Variants in NTF3 observed in about 807,000 individuals in gnomAD.
The protein encoded by NTF3 is neurotrophin-3.
A neutral mutation model predicts 26.3 loss-of-function variants in NTF3; 8 were observed. The ratio of observed to expected loss-of-function variants is 0.30; its 90% confidence interval spans 0.18 to 0.55. The LOEUF (loss-of-function observed/expected upper bound fraction) is 0.55, where lower values mean the gene tolerates loss of function less well. NTF3 is among the 20% of genes least tolerant of loss of function. The pLI, the probability that NTF3 is intolerant of heterozygous loss-of-function variation, is 0.93. For synonymous variants in NTF3, 154 were observed against 145.5 expected (o/e 1.06, Z -0.42); for missense variants, 276 against 352.9 (o/e 0.78, Z 1.75).
chr12:5,486,880 GGTGTGTGTGTGT>G (rs10527557), intron 1 of NTF3, among the ~76,000 whole-genome samples: 78 of 148,804 alleles, frequency 5.2e-4, no homozygotes, highest in East Asian at 1.4e-3. Flanking sequence ...GTAGTTACGT[GGTGTGTGTGTGT>G]GTGTGTGTGT....
intron 1 of NTF3, among the ~76,000 whole-genome samples, chr12:5,454,601 G>T (rs549995814): frequency 1.3e-5 from 2 of 152,336 alleles, no homozygotes; most frequent in African/African-American, 4.8e-5. Flanking sequence ...AGGCCTAGGG[G>T]CAGGGCCCCC....
intron 1 of NTF3, among the ~76,000 whole-genome samples, chr12:5,474,408 G>A (rs75930438): frequency 0.023 from 3,453 of 152,312 alleles, 58 homozygotes; most frequent in Non-Finnish European, 0.038. Context: ...GGGAGAAATT[G>A]CCTTCCTGGC....
At chr12:5,471,843 T>C (rs1940669932) in intron 1 of NTF3, among the ~76,000 whole-genome samples, 1 of 152,074 alleles carries the variant, frequency 6.6e-6, no homozygotes, top group Non-Finnish European at 1.5e-5. Context: ...CCTGGAAGTT[T>C]TCTTTCTTGG....
intron 1 of NTF3, among the ~76,000 whole-genome samples, chr12:5,455,503 C>T (rs1940431979): frequency 6.6e-6 from 1 of 150,534 alleles, no homozygotes; most frequent in Non-Finnish European, 1.5e-5. Context: ...CCACAGCCCC[C>T]TATCCATCTG....
chr12:5,484,746 C>T (rs548711916), intron 1 of NTF3, among the ~76,000 whole-genome samples: 4 of 152,104 alleles, frequency 2.6e-5, no homozygotes, highest in South Asian at 2.1e-4. Context: ...TGGGGGCCTG[C>T]GTTGCATGCG....
intron 1 of NTF3, among the ~76,000 whole-genome samples, chr12:5,487,221 T>G (rs1229583496): frequency 6.6e-6 from 1 of 152,216 alleles, no homozygotes; most frequent in Non-Finnish European, 1.5e-5. Context: ...GGAATAACTG[T>G]CCTACCTTCC....
rs1940543225 is a variant in NTF3 at position 5,463,075 on chromosome 12, G to C, written c.18+30733G>C. On this transcript the variant is annotated intron_variant, in intron 1 of 1. Transcript: ENST00000423158. ...TCCAGGGTTGGAAGACTGGAAAGTG[G>C]TCTGCAGGGCATCCCAGGGGATGCC... Among the ~76,000 whole-genome samples, 3 of 152,154 alleles carry C rather than the reference G, an allele frequency of 2.0e-5. No individual in the cohort carries two copies. In the South Asian group the frequency reaches 6.2e-4, roughly 32 times the overall value.
At chr12:5,489,924 G>C (rs145181203) in intron 1 of NTF3, among the ~76,000 whole-genome samples, 2 of 152,204 alleles carry the variant, frequency 1.3e-5, no homozygotes, top group African/African-American at 4.8e-5. Flanking sequence ...TATTTTGAGG[G>C]ATGGTGAAAC....
intron 1 of NTF3, among the ~76,000 whole-genome samples, chr12:5,478,807 A>C (rs1177683055): frequency 6.6e-6 from 1 of 152,230 alleles, no homozygotes; most frequent in Non-Finnish European, 1.5e-5. Flanking sequence ...GGAGGGCTCT[A>C]ATCTTTTTCT....
rs549180225 is a variant in NTF3, at chr12:5,432,206, C to G, written c.-119C>G. On this transcript the variant is annotated 5_prime_UTR_variant, in exon 1 of 2. Transcript: ENST00000423158. The stretch of plus-strand genomic sequence containing the variant: ...TTTCTTCTCTCTCCTTTCTTTCTTC[C>G]TCTCCTTTTTCCCCTGCTGGGTAGT... 78 of 1,170,524 alleles carry G rather than the reference C, an allele frequency of 6.7e-5. No homozygotes were observed. Among genetic ancestry groups the G allele is most frequent in the Non-Finnish European group, 9.5e-5 (74 of 781,084 alleles). 72.5% of individuals were successfully genotyped at this position (1,170,524 alleles called of 1,614,324 possible).
intron 1 of NTF3, among the ~76,000 whole-genome samples, chr12:5,460,287 T>C (rs1940510051): frequency 6.6e-6 from 1 of 152,220 alleles, no homozygotes; most frequent in African/African-American, 2.4e-5. Context: ...GTATCCACCA[T>C]TATAGCATAC....
chr12:5,461,842 A>G (rs1940529903), intron 1 of NTF3, among the ~76,000 whole-genome samples: 1 of 152,230 alleles, frequency 6.6e-6, no homozygotes, highest in South Asian at 2.1e-4. Context: ...GGCATAAACC[A>G]TGCTGATCCA....
At chr12:5,450,029 G>T (rs1940353634) in intron 1 of NTF3, among the ~76,000 whole-genome samples, 1 of 152,084 alleles carries the variant, frequency 6.6e-6, no homozygotes, top group South Asian at 2.1e-4. Flanking sequence ...AGTGGTTGGG[G>T]CAAGGATCAG....
At chr12:5,460,026 A>G (rs1940506838) in intron 1 of NTF3, among the ~76,000 whole-genome samples, 1 of 152,160 alleles carries the variant, frequency 6.6e-6, no homozygotes. Flanking sequence ...TTTAAAATTA[A>G]TAGTCTTCAA....
chr12:5,470,312 G>A (rs1446628275), intron 1 of NTF3, among the ~76,000 whole-genome samples: 3 of 152,204 alleles, frequency 2.0e-5, no homozygotes, highest in Non-Finnish European at 4.4e-5. Flanking sequence ...TCTCTGATAT[G>A]AGGACAGGAG....
intron 1 of NTF3, among the ~76,000 whole-genome samples, chr12:5,490,983 G>A (rs1178949778): frequency 6.6e-6 from 1 of 152,236 alleles, no homozygotes; most frequent in Non-Finnish European, 1.5e-5. Context: ...TTTCTAGTGT[G>A]CTCACTCTGT....
At position 5,471,169 on chromosome 12, in the gene NTF3, G is replaced by A. The variant is rs1263872347; in HGVS notation, c.19-23025G>A. 2.0e-5 allele frequency among the ~76,000 whole-genome samples: 3 copies of A among 152,064 alleles called. No individual in the cohort carries two copies. In the East Asian group the frequency reaches 5.8e-4, roughly 29 times the overall value. The stretch of plus-strand genomic sequence containing the variant: ...CTCTTCTAACACTAGAAATTCCTCT[G>A]GTTTTTTAGACTATTTCAAGGGCTA... On this transcript the variant is annotated intron_variant, in intron 1 of 1. Transcript: ENST00000423158.
chr12:5,490,488 A>G (rs1940921917), intron 1 of NTF3, among the ~76,000 whole-genome samples: 1 of 152,158 alleles, frequency 6.6e-6, no homozygotes, highest in Admixed American at 6.5e-5. Flanking sequence ...ATTCCCCTAA[A>G]TAGCAGAACT....
At chr12:5,485,784 C>T (rs1431127090) in intron 1 of NTF3, among the ~76,000 whole-genome samples, 1 of 152,166 alleles carries the variant, frequency 6.6e-6, no homozygotes, top group African/African-American at 2.4e-5. Flanking sequence ...CCACACACTC[C>T]AGTTTTGATG....
Sources: gnomAD v4.1 joint callset for allele counts (sites outside exome capture counted in the v4.1 genomes callset) on GRCh38, gnomAD v4.1.1 for gene constraint, MANE v1.5 for transcripts, NCBI Gene and HGNC (gene_info 2026-07-23, HGNC 2026-07-21) for gene names.